Variants in IGFBPL1 observed in about 807,000 individuals in gnomAD.
IGFBPL1 encodes insulin like growth factor binding protein like 1, also known as insulin-like growth factor-binding protein-like 1.
A neutral mutation model predicts 23.9 loss-of-function variants in IGFBPL1; 20 were observed. The observed-to-expected ratio is 0.84, with a 90% CI of 0.59 to 1.22. IGFBPL1 has a LOEUF of 1.22. IGFBPL1 is among the 50% of genes most tolerant of loss of function. IGFBPL1 has a pLI of 0.00. For synonymous variants in IGFBPL1, 184 were observed against 171.8 expected (o/e 1.07, Z -0.56); for missense variants, 436 against 379.3 (o/e 1.15, Z -1.24).
chr9:38,423,109 C>T (rs1372417669), intron 1 of IGFBPL1, among the ~76,000 whole-genome samples: 1 of 152,176 alleles, frequency 6.6e-6, no homozygotes, highest in Non-Finnish European at 1.5e-5. Context: ...GGGTGGAATA[C>T]ACTCATGCTT....
At chr9:38,410,290 G>A (rs1206617580) in intron 4 of IGFBPL1, among the ~76,000 whole-genome samples, 3 of 152,014 alleles carry the variant, frequency 2.0e-5, no homozygotes, top group African/African-American at 7.3e-5. Flanking sequence ...AGACCATCCT[G>A]GCTAACACGG....
At chr9:38,415,884 C>A (rs1481524783) in intron 1 of IGFBPL1, among the ~76,000 whole-genome samples, 2 of 152,142 alleles carry the variant, frequency 1.3e-5, no homozygotes, top group African/African-American at 4.8e-5. Context: ...CTTTCCTCCC[C>A]CTCTATCTGA....
At chr9:38,418,536 T>C (rs1821630928) in intron 1 of IGFBPL1, among the ~76,000 whole-genome samples, 1 of 152,184 alleles carries the variant, frequency 6.6e-6, no homozygotes, top group South Asian at 2.1e-4. Context: ...CCAGGGACCA[T>C]GACTACAGCC....
At chr9:38,416,377 T>C (rs1008580534) in intron 1 of IGFBPL1, among the ~76,000 whole-genome samples, 9 of 152,240 alleles carry the variant, frequency 5.9e-5, no homozygotes, top group Admixed American at 2.0e-4. Flanking sequence ...TAAGAAAGAC[T>C]GTCTTGGAAA....
At chr9:38,413,103 G>A in intron 3 of IGFBPL1, 134 bp downstream of exon 3, 1 of 654,404 alleles carries the variant, frequency 1.5e-6, no homozygotes, top group Non-Finnish European at 2.7e-6. Context: ...AACCTGCCCT[G>A]CCTGCCTCAC....
chr9:38,411,974 C>T (rs1036037300), intron 3 of IGFBPL1, among the ~76,000 whole-genome samples: 4 of 152,174 alleles, frequency 2.6e-5, no homozygotes, highest in African/African-American at 9.7e-5. Flanking sequence ...GTCTTTTCTC[C>T]TAAGAAAATA....
At chr9:38,423,935 C>T in intron 1 of IGFBPL1, 30 bp downstream of exon 1, 1 of 1,345,984 alleles carries the variant, frequency 7.4e-7, no homozygotes, top group Non-Finnish European at 9.5e-7. Context: ...CCCTCCTTCT[C>T]TACCCACCCA....
intron 1 of IGFBPL1, among the ~76,000 whole-genome samples, chr9:38,417,331 C>T (rs1408138423): frequency 1.3e-5 from 2 of 152,194 alleles, no homozygotes; most frequent in Non-Finnish European, 2.9e-5. Context: ...GTACACCACC[C>T]TTTCATCCTC....
At position 38,414,168 on chromosome 9, in the gene IGFBPL1, TGTG is replaced by T; in HGVS notation, c.493_495del (p.His165del). The T allele has an allele frequency of 6.2e-7, 1 of 1,610,946 alleles. No homozygotes were observed. Among genetic ancestry groups the T allele is most frequent in the East Asian group, 2.2e-5 (1 of 44,820 alleles). On this transcript the variant is annotated inframe_deletion, in exon 2 of 5. Coordinates refer to ENST00000377694, the MANE Select transcript of IGFBPL1 (RefSeq NM_001007563.3). The stretch of plus-strand genomic sequence containing the variant: ...AGGCCCACCTGCGCCCCGGTGACGT[TGTG>T]AACACTTCGGGGAGGAACGACGACC...
chr9:38,412,886 C>T (rs1358607870), intron 3 of IGFBPL1, among the ~76,000 whole-genome samples: 1 of 152,172 alleles, frequency 6.6e-6, no homozygotes, highest in Non-Finnish European at 1.5e-5. Context: ...CTTAAAGACC[C>T]ACCTTTAAAT....
intron 1 of IGFBPL1, among the ~76,000 whole-genome samples, chr9:38,421,375 A>G (rs949517132): frequency 6.6e-6 from 1 of 152,062 alleles, no homozygotes; most frequent in Admixed American, 6.5e-5. Context: ...GTGCGGATCA[A>G]AGGATCACTC....
Position 38,411,482 on chromosome 9 carries a change from G to A in IGFBPL1, c.755C>T (p.Ala252Val). The A allele has an allele frequency of 6.2e-7, 1 of 1,613,698 alleles. No individual in the cohort carries two copies. The highest frequency in any genetic ancestry group is 1.6e-4 in the Middle Eastern group (1 of 6,062). ...QCHAANMVGE[A>V]ESHSTVTVLD... ...AACCGTCACTGTGCTGTGGGACTCA[G>A]CCTCTCCCACCATGTTGGCTGCATG... Residue 252 changes from alanine (A) to valine (V), a missense_variant, in exon 4 of 5, where the codon GCT becomes GTT. By Grantham distance (64) the Ala-to-Val change is moderately conservative. Coordinates refer to ENST00000377694, the MANE Select transcript of IGFBPL1 (RefSeq NM_001007563.3).
intron 1 of IGFBPL1, among the ~76,000 whole-genome samples, chr9:38,423,010 C>G (rs1278685501): frequency 6.6e-6 from 1 of 152,214 alleles, no homozygotes; most frequent in Non-Finnish European, 1.5e-5. Flanking sequence ...ACCCAGGCTC[C>G]TTGGGACTCA....
intron 1 of IGFBPL1, among the ~76,000 whole-genome samples, chr9:38,417,292 C>A (rs1226434488): frequency 7.2e-5 from 11 of 152,200 alleles, no homozygotes; most frequent in Admixed American, 7.2e-4. Flanking sequence ...CTAACACCAT[C>A]CTGCCTTTTC....
At chr9:38,410,988 C>T (rs1027880497) in intron 4 of IGFBPL1, among the ~76,000 whole-genome samples, 4 of 152,246 alleles carry the variant, frequency 2.6e-5, no homozygotes, top group African/African-American at 9.6e-5. Context: ...CAAGGAAGAG[C>T]TCCAGGAACA....
At chr9:38,420,835 T>TCAAAA (rs1186111179) in intron 1 of IGFBPL1, among the ~76,000 whole-genome samples, 21 of 151,974 alleles carry the variant, frequency 1.4e-4, no homozygotes, top group East Asian at 3.9e-4. Flanking sequence ...AGACTCTGTC[T>TCAAAA]CAAAACAAAA....
chr9:38,423,440 C>T (rs1173195044), intron 1 of IGFBPL1, among the ~76,000 whole-genome samples: 1 of 152,090 alleles, frequency 6.6e-6, no homozygotes, highest in Non-Finnish European at 1.5e-5. Flanking sequence ...CCTCAGCATC[C>T]CAGCTCAGCC....
Position 38,414,192 on chromosome 9 carries a change from C to T in IGFBPL1, c.472G>A (p.Val158Ile), listed in dbSNP as rs755877048. 8.7e-6 allele frequency: 14 copies of T among 1,601,360 alleles called. No individual in the cohort carries two copies. The highest frequency in any genetic ancestry group is 3.4e-5 in the South Asian group (3 of 88,432). The change falls in exon 2 of 5, where the codon GTC (valine) becomes ATC (isoleucine). Residue 158 changes from valine (V) to isoleucine (I), a missense_variant. Val to Ile is a conservative substitution (Grantham distance 29). Transcript: ENST00000377694. ...TTGTGAACACTTCGGGGAGGAACGACGACCACAGGAGCTAGGAGGAGGAGA... is the reference window on the plus strand; with the variant it reads ...TTGTGAACACTTCGGGGAGGAACGATGACCACAGGAGCTAGGAGGAGGAGA... Reference protein sequence around the residue: ...DGPCEFAPVVVVPPRSVHNVT... With the variant: ...DGPCEFAPVVIVPPRSVHNVT...
intron 1 of IGFBPL1, among the ~76,000 whole-genome samples, chr9:38,419,101 C>T (rs912919752): frequency 3.3e-5 from 5 of 151,992 alleles, no homozygotes; most frequent in African/African-American, 4.8e-5. Context: ...CCCCCTACCT[C>T]GTCAATTATA....
Sources: gnomAD v4.1 joint callset for allele counts (sites outside exome capture counted in the v4.1 genomes callset) on GRCh38, gnomAD v4.1.1 for gene constraint, MANE v1.5 for transcripts, NCBI Gene and HGNC (gene_info 2026-07-23, HGNC 2026-07-21) for gene names.